Variants in RAB38 observed in about 807,000 individuals in gnomAD.
RAB38 encodes RAB38, member RAS oncogene family.
Under a neutral mutation model 18.4 loss-of-function variants are expected in RAB38, and 15 were observed. The observed-to-expected ratio is 0.82, with a 90% confidence interval of 0.55 to 1.26. The LOEUF is 1.26. Among genes scored for constraint, RAB38 ranks in the 50% most tolerant of loss-of-function variants. The pLI is 0.00. For missense variants in RAB38, 294 were observed against 267.4 expected (o/e 1.10, Z -0.69); for synonymous variants, 101 against 104.4 (o/e 0.97, Z 0.20).
chr11:88,013,007 G>A, the RAB38 span, among the ~76,000 whole-genome samples: 1 of 152,118 alleles, frequency 6.6e-6, no homozygotes, highest in Non-Finnish European at 1.5e-5. Context: ...GGTGCTCTGG[G>A]CCTGTTTTCT....
At chr11:87,836,561 A>G in the RAB38 span, among the ~76,000 whole-genome samples, 1 of 151,952 alleles carries the variant, frequency 6.6e-6, no homozygotes, top group Admixed American at 6.6e-5. Flanking sequence ...CAAAATCTCA[A>G]TTGTTTTCCT....
At chr11:87,866,401 G>A in the RAB38 span, among the ~76,000 whole-genome samples, 1 of 151,662 alleles carries the variant, frequency 6.6e-6, no homozygotes, top group African/African-American at 2.4e-5. Flanking sequence ...CCATGGCATT[G>A]CTTTATTCTT....
At chr11:87,874,410 A>T in the RAB38 span, among the ~76,000 whole-genome samples, 1 of 151,504 alleles carries the variant, frequency 6.6e-6, no homozygotes, top group African/African-American at 2.4e-5. Flanking sequence ...TAACTCAATT[A>T]AAAAATGGGC....
the RAB38 span, among the ~76,000 whole-genome samples, chr11:87,967,447 G>T: frequency 6.6e-6 from 1 of 152,052 alleles, no homozygotes; most frequent in Non-Finnish European, 1.5e-5. Flanking sequence ...TAAAATAGTG[G>T]TTAATAATTT....
chr11:87,835,329 A>G, the RAB38 span, among the ~76,000 whole-genome samples: 1 of 152,068 alleles, frequency 6.6e-6, no homozygotes, highest in Non-Finnish European at 1.5e-5. Flanking sequence ...GATGCTGGCT[A>G]TACTTGTGGT....
chr11:88,065,999 C>T, the RAB38 span, among the ~76,000 whole-genome samples: 71 of 152,288 alleles, frequency 4.7e-4, 1 homozygote, highest in African/African-American at 1.6e-3. Flanking sequence ...CAGAAATAAC[C>T]TTAAAGTGAA....
chr11:87,905,344 T>C, the RAB38 span, among the ~76,000 whole-genome samples: 97 of 148,636 alleles, frequency 6.5e-4, no homozygotes, highest in Middle Eastern at 3.4e-3. Context: ...CCATCATTTC[T>C]GCATCTCTTT....
At chr11:87,848,518 T>G in the RAB38 span, among the ~76,000 whole-genome samples, 1 of 152,178 alleles carries the variant, frequency 6.6e-6, no homozygotes, top group African/African-American at 2.4e-5. Context: ...TATTTTTAAC[T>G]TATTCTATTT....
At chr11:87,967,795 C>T in the RAB38 span, among the ~76,000 whole-genome samples, 23 of 152,122 alleles carry the variant, frequency 1.5e-4, no homozygotes, top group Non-Finnish European at 2.6e-4. Context: ...TTTTCTCTTT[C>T]GAAAATAATG....
intron 2 of RAB38, among the ~76,000 whole-genome samples, chr11:88,121,585 C>T (rs148025093): frequency 0.01 from 1,559 of 151,548 alleles, 16 homozygotes; most frequent in Non-Finnish European, 0.014. Context: ...TTTTGTGAGA[C>T]GGAGCCTCGC....
chr11:87,966,144 C>A, the RAB38 span, among the ~76,000 whole-genome samples: 1 of 152,032 alleles, frequency 6.6e-6, no homozygotes, highest in Non-Finnish European at 1.5e-5. Context: ...GCCACAATTA[C>A]CAAAGATATG....
chr11:88,016,049 G>GA, the RAB38 span, among the ~76,000 whole-genome samples: 2 of 152,026 alleles, frequency 1.3e-5, no homozygotes, highest in African/African-American at 4.8e-5. Flanking sequence ...AAGCAGCAGG[G>GA]AAAAAAAGCA....
the RAB38 span, among the ~76,000 whole-genome samples, chr11:87,857,189 G>A: frequency 6.6e-6 from 1 of 152,110 alleles, no homozygotes; most frequent in African/African-American, 2.4e-5. Context: ...CAAAGGACAG[G>A]AACTCATCAT....
At chr11:88,029,760 G>A in the RAB38 span, among the ~76,000 whole-genome samples, 2 of 151,904 alleles carry the variant, frequency 1.3e-5, no homozygotes, top group African/African-American at 2.4e-5. Flanking sequence ...AAGAGACTTA[G>A]ACTCCCACAC....
At chr11:88,044,150 C>T in the RAB38 span, among the ~76,000 whole-genome samples, 1 of 152,220 alleles carries the variant, frequency 6.6e-6, no homozygotes, top group Non-Finnish European at 1.5e-5. Context: ...AGAAGGCAGC[C>T]TTCCCTTGGT....
the RAB38 span, among the ~76,000 whole-genome samples, chr11:87,901,202 A>G: frequency 6.6e-6 from 1 of 151,524 alleles, no homozygotes; most frequent in Non-Finnish European, 1.5e-5. Context: ...CAAGTGATAA[A>G]TAGGCATTGA....
intron 2 of RAB38, chr11:88,115,865 C>G (rs1250158391): frequency 3.3e-5 from 5 of 151,998 alleles, no homozygotes; most frequent in South Asian, 2.1e-4. Flanking sequence ...CATTTAACAC[C>G]CTTTAAGATA....
At chr11:87,915,722 A>G in the RAB38 span, among the ~76,000 whole-genome samples, 24 of 152,274 alleles carry the variant, frequency 1.6e-4, no homozygotes, top group East Asian at 4.3e-3. Context: ...CTCTCTTAAT[A>G]AACTTGCTTT....
chr11:88,006,961 T>C, the RAB38 span, among the ~76,000 whole-genome samples: 1 of 151,638 alleles, frequency 6.6e-6, no homozygotes, highest in Non-Finnish European at 1.5e-5. Context: ...GTATTGTATA[T>C]TTCAAAATAC....
Sources: allele counts gnomAD v4.1 joint callset (sites outside exome capture counted in the v4.1 genomes callset), GRCh38; gene constraint gnomAD v4.1.1; transcripts MANE v1.5; gene names NCBI Gene and HGNC (gene_info 2026-07-23, HGNC 2026-07-21).